The following TPRG1 variants were observed in gnomAD, a reference collection of about 807,000 sequenced individuals.
TPRG1 encodes tumor protein p63 regulated 1.
In TPRG1, 29 loss-of-function variants were observed where a neutral mutation model predicts 29.3. The observed-to-expected ratio is 0.99, with a 90% CI of 0.74 to 1.35. The LOEUF is 1.35. Among genes scored for constraint, TPRG1 ranks in the 40% most tolerant of loss-of-function variants. TPRG1 has a pLI of 0.00. For missense variants in TPRG1, 327 were observed against 335.0 expected (o/e 0.98, Z 0.19); for synonymous variants, 130 against 116.8 (o/e 1.11, Z -0.73).
At chr3:189,033,011 G>A (rs1560405429) in intron 4 of TPRG1, among the ~76,000 whole-genome samples, 1 of 151,940 alleles carries the variant, frequency 6.6e-6, no homozygotes, top group Non-Finnish European at 1.5e-5. Context: ...CCACAACCGT[G>A]CACACGATTC....
intron 3 of TPRG1, among the ~76,000 whole-genome samples, chr3:189,234,371 A>G (rs774452056): frequency 6.6e-6 from 1 of 152,252 alleles, no homozygotes; most frequent in African/African-American, 2.4e-5. Flanking sequence ...TAAAAGCATA[A>G]AAAGTAATAA....
intron 4 of TPRG1, among the ~76,000 whole-genome samples, chr3:189,059,275 T>C (rs1327666983): frequency 6.6e-6 from 1 of 152,164 alleles, no homozygotes; most frequent in East Asian, 1.9e-4. Context: ...TTCACAAATA[T>C]TAACTCAATT....
intron 3 of TPRG1, among the ~76,000 whole-genome samples, chr3:189,221,451 G>C (rs967382135): frequency 2.0e-5 from 3 of 152,140 alleles, no homozygotes; most frequent in African/African-American, 7.2e-5. Flanking sequence ...AATGGCCAAG[G>C]GTTGCCTCTT....
intron 3 of TPRG1, among the ~76,000 whole-genome samples, chr3:189,233,785 A>G (rs1003261252): frequency 6.6e-6 from 1 of 152,104 alleles, no homozygotes. Flanking sequence ...GGAGGGAGGA[A>G]TGGGTAGGAT....
intron 1 of TPRG1, among the ~76,000 whole-genome samples, chr3:189,115,434 C>T (rs770969108): frequency 6.6e-6 from 1 of 152,156 alleles, no homozygotes; most frequent in Non-Finnish European, 1.5e-5. Context: ...GTAGGCCAAG[C>T]TCTCTTGGGT....
chr3:189,241,005 A>T (rs764063712), intron 4 of TPRG1, among the ~76,000 whole-genome samples: 51 of 152,166 alleles, frequency 3.4e-4, no homozygotes, highest in Non-Finnish European at 7.1e-4. Flanking sequence ...CCAGTCCCTC[A>T]TTGATGTATA....
intron 4 of TPRG1, among the ~76,000 whole-genome samples, chr3:189,086,768 T>C (rs372532194): frequency 1.2e-4 from 19 of 152,162 alleles, no homozygotes; most frequent in East Asian, 9.6e-4. Context: ...GGAGTTTTTT[T>C]GTTCTTGCAA....
chr3:189,293,975 C>T (rs1044276678), intron 4 of TPRG1, among the ~76,000 whole-genome samples: 8 of 152,196 alleles, frequency 5.3e-5, no homozygotes, highest in Non-Finnish European at 8.8e-5. Flanking sequence ...TCTTCTACTA[C>T]CTGTCTGCAA....
intron 4 of TPRG1, among the ~76,000 whole-genome samples, chr3:189,262,990 T>A (rs1423946139): frequency 6.6e-6 from 1 of 152,196 alleles, no homozygotes; most frequent in East Asian, 1.9e-4. Flanking sequence ...AGAGAGAGAA[T>A]GAGACGTTGA....
chr3:189,193,560 C>T (rs1424380498), intron 1 of TPRG1, among the ~76,000 whole-genome samples: 1 of 151,832 alleles, frequency 6.6e-6, no homozygotes, highest in Non-Finnish European at 1.5e-5. Context: ...TATTTGTTCA[C>T]TTAATAGTGT....
At chr3:189,196,579 TACTC>T (rs375528431) in intron 1 of TPRG1, among the ~76,000 whole-genome samples, 24 of 152,002 alleles carry the variant, frequency 1.6e-4, no homozygotes, top group African/African-American at 5.8e-4. Flanking sequence ...TCGTGATACT[TACTC>T]ACTATCACGA....
At chr3:189,083,890 A>G (rs1717765000) in intron 4 of TPRG1, among the ~76,000 whole-genome samples, 1 of 152,180 alleles carries the variant, frequency 6.6e-6, no homozygotes, top group South Asian at 2.1e-4. Flanking sequence ...TATTAAAAAC[A>G]AAATGGGTCA....
intron 1 of TPRG1, among the ~76,000 whole-genome samples, chr3:189,122,776 C>T (rs777156364): frequency 1.3e-5 from 2 of 152,190 alleles, no homozygotes; most frequent in Non-Finnish European, 2.9e-5. Context: ...CATCATTTAT[C>T]TCATTTGTTC....
chr3:189,194,561 G>T (rs943624824), intron 1 of TPRG1, among the ~76,000 whole-genome samples: 1 of 152,154 alleles, frequency 6.6e-6, no homozygotes, highest in Non-Finnish European at 1.5e-5. Flanking sequence ...TAACAGCTTG[G>T]GCTCAGGAGT....
At chr3:189,149,270 T>C (rs1249743167) in intron 4 of TPRG1, among the ~76,000 whole-genome samples, 2 of 152,186 alleles carry the variant, frequency 1.3e-5, no homozygotes, top group East Asian at 3.8e-4. Flanking sequence ...CTGTATGCTG[T>C]CTAATGTATT....
intron 4 of TPRG1, among the ~76,000 whole-genome samples, chr3:189,086,200 C>G (rs1282163786): frequency 6.6e-6 from 1 of 152,106 alleles, no homozygotes; most frequent in Non-Finnish European, 1.5e-5. Flanking sequence ...CAAGAAGCAT[C>G]CAGCACAGGA....
At chr3:189,298,873 G>A (rs1720371305) in intron 4 of TPRG1, among the ~76,000 whole-genome samples, 1 of 152,152 alleles carries the variant, frequency 6.6e-6, no homozygotes, top group Non-Finnish European at 1.5e-5. Context: ...TCCTCCAAAA[G>A]TGGGGAAAGC....
intron 4 of TPRG1, among the ~76,000 whole-genome samples, chr3:189,251,193 G>A (rs1415315124): frequency 6.6e-6 from 1 of 151,900 alleles, no homozygotes. Flanking sequence ...TTAAGAGGCC[G>A]AGAAGAGCAC....
At chr3:189,310,603 G>A in intron 5 of TPRG1, 64 bp downstream of exon 5, 2 of 1,139,796 alleles carry the variant, frequency 1.8e-6, no homozygotes, top group Non-Finnish European at 2.5e-6. Context: ...TGCTTCTAGG[G>A]ACGTGTACTC....
Sources: allele counts gnomAD v4.1 joint callset (sites outside exome capture counted in the v4.1 genomes callset), GRCh38; gene constraint gnomAD v4.1.1; transcripts MANE v1.5; gene names NCBI Gene and HGNC (gene_info 2026-07-23, HGNC 2026-07-21).